Variants in ZNF76 observed in about 807,000 individuals in gnomAD.
The protein encoded by ZNF76 is zinc finger protein 523.
In ZNF76, 66 loss-of-function variants were observed where a neutral mutation model predicts 66.9. That is an observed-to-expected ratio of 0.99 (90% CI 0.81 to 1.21). The LOEUF (loss-of-function observed/expected upper bound fraction) is 1.21. ZNF76 is among the 50% of genes most tolerant of loss of function. The pLI is 0.00. For missense variants in ZNF76, 729 were observed against 760.3 expected, an observed-to-expected ratio of 0.96 and a Z score of 0.48; for synonymous variants, 275 against 296.1, an observed-to-expected ratio of 0.93 and a Z score of 0.73.
At chr6:35,288,401 G>A (rs1789901088) in intron 5 of ZNF76, 2 of 346,374 alleles carry the variant, frequency 5.8e-6, no homozygotes, top group East Asian at 1.5e-4. Context: ...TCCTGGCTCT[G>A]CAAATACCAG....
chr6:35,286,161 T>C lies in ZNF76; in HGVS notation c.107T>C (p.Leu36Pro), dbSNP rs774778119. The change falls in exon 3 of 14, where the codon CTC becomes CCC. Residue 36 changes from leucine (L) to proline (P), a missense_variant. Physicochemically the swap from Leu to Pro is moderately conservative, Grantham distance 98. Transcript: ENST00000373953. ...EKLLEGQVIQ[L>P]EDGTTAYIHQ... is the part of the protein sequence containing the mutation. ...CTTCTTGAAGGGCAGGTGATCCAGC[T>C]CGAGGATGGGACCACCGCATACATT... 2 of 1,614,024 alleles carry C rather than the reference T, an allele frequency of 1.2e-6. No individual in the cohort carries two copies. The highest frequency in any genetic ancestry group is 1.1e-5 in the South Asian group (1 of 91,068).
intron 1 of ZNF76, among the ~76,000 whole-genome samples, chr6:35,269,913 T>C (rs1786754562): frequency 2.0e-5 from 3 of 152,160 alleles, no homozygotes; most frequent in South Asian, 4.2e-4. Context: ...TATGATGTTA[T>C]AGAATGGCCT....
chr6:35,284,437 C>T (rs1474662205), intron 2 of ZNF76, among the ~76,000 whole-genome samples: 2 of 144,288 alleles, frequency 1.4e-5, no homozygotes, highest in Non-Finnish European at 3.0e-5. Flanking sequence ...CTCACTCTGT[C>T]ACCCAGGCTA....
At position 35,292,725 on chromosome 6, in the gene ZNF76, A is replaced by G. The variant is rs764929202; in HGVS notation, c.1103A>G (p.His368Arg). 5.0e-6 allele frequency: 8 copies of G among 1,613,994 alleles called. No homozygotes were observed. The highest frequency in any genetic ancestry group is 5.9e-6 in the Non-Finnish European group (7 of 1,180,006). Residue 368 changes from histidine (H) to arginine (R), a missense_variant, in exon 10 of 14, where the codon CAC becomes CGC. Coordinates refer to ENST00000373953, the MANE Select transcript of ZNF76 (RefSeq NM_003427.5). The surrounding 1 kb of genome is among the most constrained non-coding windows in gnomAD (Gnocchi z 4.7). Reference protein sequence around the residue: ...STLAMHKRSAHGELEATEESE... With the variant: ...STLAMHKRSARGELEATEESE... ...TTGGCCATGCACAAGCGCAGTGCCC[A>G]CGGCGAGCTGGAGGCCACGGAGGAG...
chr6:35,261,853 T>G (rs924256140), intron 1 of ZNF76, among the ~76,000 whole-genome samples: 4 of 152,112 alleles, frequency 2.6e-5, no homozygotes, highest in African/African-American at 9.7e-5. Context: ...GCCATGTAAC[T>G]TGGTGACTTT....
chr6:35,291,853 TTCCA>T, intron 9 of ZNF76, 116 bp downstream of exon 9: 4 of 1,292,794 alleles, frequency 3.1e-6, no homozygotes, highest in Non-Finnish European at 3.2e-6. Context: ...GTGCCAGCCA[TTCCA>T]GGCTGGTCTG....
At chr6:35,263,929 T>C (rs1182567540) in intron 1 of ZNF76, among the ~76,000 whole-genome samples, 1 of 152,096 alleles carries the variant, frequency 6.6e-6, no homozygotes, top group Non-Finnish European at 1.5e-5. Context: ...TTTTGTATTT[T>C]TAGTAGAGAC....
At chr6:35,282,389 A>G (rs1788907568) in intron 2 of ZNF76, among the ~76,000 whole-genome samples, 1 of 151,680 alleles carries the variant, frequency 6.6e-6, no homozygotes, top group Admixed American at 6.6e-5. Flanking sequence ...AGTATTGTTT[A>G]TCTGAAATTC....
intron 5 of ZNF76, among the ~76,000 whole-genome samples, chr6:35,288,847 AG>A (rs1251872711): frequency 6.6e-6 from 1 of 151,546 alleles, no homozygotes; most frequent in Admixed American, 6.6e-5. Flanking sequence ...CTGTGGTCCC[AG>A]CTACTGGGAA....
chr6:35,290,777 C>T, intron 7 of ZNF76, 61 bp downstream of exon 7: 1 of 1,531,198 alleles, frequency 6.5e-7, no homozygotes. Flanking sequence ...TGTTTGGGAC[C>T]TCTCTGAAGG....
chr6:35,292,943 G>A lies in ZNF76; in HGVS notation c.1228G>A (p.Val410Met), dbSNP rs34771695. ...ACCCCGGATAGCTTACCTTTCGGAG[G>A]TGAAGGAAGAGAGAGATGACATCCC... is the stretch of plus-strand genomic sequence containing the variant. ...KRPRIAYLSEVKEERDDIPAQ... is the reference protein window; with the variant it reads ...KRPRIAYLSEMKEERDDIPAQ... Residue 410 changes from valine (V) to methionine (M), a missense_variant, in exon 11 of 14, where the codon GTG (valine) becomes ATG (methionine). Physicochemically the swap from Val to Met is conservative, Grantham distance 21. Transcript: ENST00000373953. The surrounding 1 kb of genome is among the most constrained non-coding windows in gnomAD (Gnocchi z 4.7). 2.1e-3 allele frequency: 3,468 copies of A among 1,614,226 alleles called. 70 individuals are homozygous for A. The African/African-American group carries it at 0.037, about 17-fold the overall frequency.
chr6:35,288,621 A>G (rs769922134), intron 5 of ZNF76, among the ~76,000 whole-genome samples: 2 of 152,186 alleles, frequency 1.3e-5, no homozygotes, highest in African/African-American at 2.4e-5. Flanking sequence ...AACCAGTGTG[A>G]CTGAATGATG....
chr6:35,294,271 T>C (rs925220325), intron 12 of ZNF76, 185 bp from the exon 13 acceptor site: 2 of 598,408 alleles, frequency 3.3e-6, no homozygotes, highest in Non-Finnish European at 5.9e-6. Flanking sequence ...TAAATTGGGC[T>C]CTAAGTTGGG....
At position 35,292,894 on chromosome 6, in the gene ZNF76, C is replaced by G; in HGVS notation, c.1179C>G (p.Ala393=). 6.2e-7 allele frequency: 1 copy of G among 1,614,164 alleles called. No individual in the cohort carries two copies. The highest frequency in any genetic ancestry group is 8.5e-7 in the Non-Finnish European group (1 of 1,180,028). The change falls in exon 11 of 14, where the codon GCC becomes GCG. Residue 393 remains alanine, a synonymous_variant. Transcript: ENST00000373953. The surrounding 1 kb of genome is among the most constrained non-coding windows in gnomAD (Gnocchi z 4.7). ...EQQQLEAASA[A]EESPPPKRPR... is the part of the protein sequence containing the mutation. ...CTCCTCTCCCAGCCGCCTCTGCAGC[C>G]GAGGAGAGTCCGCCACCCAAACGAC... is the stretch of plus-strand genomic sequence containing the variant.
intron 4 of ZNF76, 52 bp downstream of exon 4, chr6:35,286,451 G>A (rs1164922431): frequency 5.8e-6 from 9 of 1,562,872 alleles, no homozygotes; most frequent in Non-Finnish European, 8.8e-7. Flanking sequence ...AGGACTGGAG[G>A]ATGGGGTGGC....
chr6:35,285,202 C>T (rs1789383389), intron 2 of ZNF76, among the ~76,000 whole-genome samples: 1 of 152,092 alleles, frequency 6.6e-6, no homozygotes, highest in Admixed American at 6.5e-5. Context: ...TTTTATGCTG[C>T]TTGTTGTGTT....
At chr6:35,266,952 C>G (rs1786218437) in intron 1 of ZNF76, among the ~76,000 whole-genome samples, 2 of 151,152 alleles carry the variant, frequency 1.3e-5, no homozygotes, top group Non-Finnish European at 2.9e-5. Context: ...AGGTGCCCAC[C>G]ACCGCGCCCG....
At chr6:35,261,826 G>T (rs1042983185) in intron 1 of ZNF76, among the ~76,000 whole-genome samples, 2 of 151,950 alleles carry the variant, frequency 1.3e-5, no homozygotes. Flanking sequence ...TGACCCCCAA[G>T]GTTTCTATTA....
At chr6:35,273,474 G>T (rs1787439193) in intron 1 of ZNF76, among the ~76,000 whole-genome samples, 1 of 151,646 alleles carries the variant, frequency 6.6e-6, no homozygotes, top group Non-Finnish European at 1.5e-5. Flanking sequence ...CACCTGGCCA[G>T]ACATTGATTT....
Sources: gnomAD v4.1 joint callset for allele counts (sites outside exome capture counted in the v4.1 genomes callset) on GRCh38, gnomAD v4.1.1 for gene constraint, Gnocchi (gnomAD v3.1) non-coding constraint, MANE v1.5 for transcripts, NCBI Gene and HGNC (gene_info 2026-07-23, HGNC 2026-07-21) for gene names.